The following CADM1 variants were observed in gnomAD, a reference collection of about 807,000 sequenced individuals.
CADM1 encodes the protein TSLC-1.
Under a neutral mutation model 53.1 loss-of-function variants are expected in CADM1, and 15 were observed. The observed-to-expected ratio is 0.28, with a 90% CI of 0.19 to 0.44. The LOEUF (loss-of-function observed/expected upper bound fraction) is 0.44. Among genes scored for constraint, CADM1 ranks in the 20% least tolerant of loss-of-function variants. The probability of loss-of-function intolerance (pLI) is 1.00; values close to 1 mark genes in which losing one functional copy is unlikely to be tolerated. For missense variants in CADM1, 434 were observed against 611.3 expected (o/e 0.71, Z 3.06); for synonymous variants, 281 against 243.0 (o/e 1.16, Z -1.45).
chr11:115,262,660 G>A (rs1943011807), intron 1 of CADM1, among the ~76,000 whole-genome samples: 1 of 152,104 alleles, frequency 6.6e-6, no homozygotes, highest in African/African-American at 2.4e-5. Flanking sequence ...TTTCTTTGTT[G>A]GTACTGTGTC....
Position 115,214,652 on chromosome 11 carries a change from T to A in CADM1, c.950A>T (p.Asn317Ile). The change falls in exon 7 of 12, where the codon AAC (asparagine) becomes ATC (isoleucine). Residue 317 changes from asparagine (N) to isoleucine (I), a missense_variant. Physicochemically the swap from Asn to Ile is moderately radical, Grantham distance 149 (BLOSUM62 -3). Around this residue, in one of 4 missense-constraint regions of CADM1, gnomAD observed 311 missense variants for 435.1 expected, o/e 0.71. Coordinates refer to ENST00000331581, the MANE Select transcript of CADM1 (RefSeq NM_001301043.2). ...ATCCGAGTGAGCTTTCCCCACTATGTTTGAAGCTTCACAGCGGTATGTACC... is the reference window on the plus strand; with the variant it reads ...ATCCGAGTGAGCTTTCCCCACTATGATTGAAGCTTCACAGCGGTATGTACC... Reference protein sequence around the residue: ...DNGTYRCEASNIVGKAHSDYM... With the variant: ...DNGTYRCEASIIVGKAHSDYM... The A allele has an allele frequency of 6.2e-7, 1 of 1,614,010 alleles. No homozygotes were observed. Among genetic ancestry groups the A allele is most frequent in the Non-Finnish European group, 8.5e-7 (1 of 1,179,922 alleles).
chr11:115,288,455 GA>G (rs1943790478), intron 1 of CADM1, among the ~76,000 whole-genome samples: 1 of 129,524 alleles, frequency 7.7e-6, no homozygotes, highest in African/African-American at 3.5e-5. Flanking sequence ...TCACATTTAT[GA>G]TTAAGAAAAA....
intron 1 of CADM1, among the ~76,000 whole-genome samples, chr11:115,296,231 A>G (rs1320142049): frequency 1.3e-5 from 2 of 152,186 alleles, no homozygotes; most frequent in East Asian, 1.9e-4. Context: ...GATTATAGGC[A>G]TGAACGACTG....
At chr11:115,298,804 T>C (rs1367417362) in intron 1 of CADM1, among the ~76,000 whole-genome samples, 1 of 152,188 alleles carries the variant, frequency 6.6e-6, no homozygotes, top group Non-Finnish European at 1.5e-5. Context: ...TTACTAAATA[T>C]AGAAGGATGA....
intron 1 of CADM1, among the ~76,000 whole-genome samples, chr11:115,302,394 T>C (rs1314127952): frequency 2.0e-5 from 3 of 152,094 alleles, no homozygotes; most frequent in African/African-American, 7.2e-5. Flanking sequence ...ATAATAAACC[T>C]ACAAATAGCA....
rs190864531 is a variant in CADM1 at position 115,463,544 on chromosome 11, A to G, written c.124+40727T>C. 2.6e-5 allele frequency among the ~76,000 whole-genome samples: 4 copies of G among 152,318 alleles called. No individual in the cohort carries two copies. The East Asian group carries it at 7.7e-4, about 29-fold the overall frequency. The stretch of plus-strand genomic sequence containing the variant: ...TATATATGTACATTCCTGTTTCAGA[A>G]TTGTATTATAGGAAACAATACAGAT... On this transcript the variant is annotated intron_variant, in intron 1 of 11. Transcript: ENST00000331581.
At chr11:115,484,719 G>A (rs1038586417) in intron 1 of CADM1, among the ~76,000 whole-genome samples, 36 of 151,930 alleles carry the variant, frequency 2.4e-4, no homozygotes, top group African/African-American at 6.5e-4. Context: ...AGGCCGAGGC[G>A]GGCGGATCAC....
intron 1 of CADM1, among the ~76,000 whole-genome samples, chr11:115,359,235 A>C (rs1945963832): frequency 6.6e-6 from 1 of 152,202 alleles, no homozygotes; most frequent in East Asian, 1.9e-4. Flanking sequence ...CAAAGGCATG[A>C]GCTTCTGATG....
chr11:115,421,769 T>C (rs1947763249), intron 1 of CADM1, among the ~76,000 whole-genome samples: 1 of 152,166 alleles, frequency 6.6e-6, no homozygotes, highest in Admixed American at 6.5e-5. Flanking sequence ...TCAAGCACAG[T>C]TCACTCAAAT....
chr11:115,352,744 A>T (rs1011259895), intron 1 of CADM1, among the ~76,000 whole-genome samples: 3 of 152,156 alleles, frequency 2.0e-5, no homozygotes, highest in African/African-American at 7.2e-5. Flanking sequence ...AATTGGCTTA[A>T]TCCTCACCAC....
intron 1 of CADM1, among the ~76,000 whole-genome samples, chr11:115,414,224 A>G (rs1007373414): frequency 1.3e-5 from 2 of 151,898 alleles, no homozygotes; most frequent in Admixed American, 6.6e-5. Flanking sequence ...TGCGGAGTAG[A>G]AAAAAAACAC....
At chr11:115,502,391 C>A (rs1243097634) in intron 1 of CADM1, among the ~76,000 whole-genome samples, 4 of 126,930 alleles carry the variant, frequency 3.2e-5, no homozygotes, top group Non-Finnish European at 6.3e-5. Flanking sequence ...CTCTATTATG[C>A]GCCAGTTACC....
At chr11:115,449,324 G>A (rs1387029918) in intron 1 of CADM1, among the ~76,000 whole-genome samples, 1 of 152,198 alleles carries the variant, frequency 6.6e-6, no homozygotes, top group Admixed American at 6.5e-5. Flanking sequence ...TGAAAATAAT[G>A]ATTGTGCTTG....
At chr11:115,421,023 C>T (rs149768032) in intron 1 of CADM1, among the ~76,000 whole-genome samples, 100 of 152,170 alleles carry the variant, frequency 6.6e-4, no homozygotes, top group African/African-American at 2.3e-3. Context: ...TTTTTAATGC[C>T]TTTTTCCTTG....
intron 1 of CADM1, among the ~76,000 whole-genome samples, chr11:115,292,753 T>C (rs1299406238): frequency 6.6e-6 from 1 of 152,196 alleles, no homozygotes; most frequent in Non-Finnish European, 1.5e-5. Context: ...GACAGGCAGA[T>C]CAGTCAATGG....
At chr11:115,239,713 GT>G (rs34524829) in intron 2 of CADM1, among the ~76,000 whole-genome samples, 53 of 143,088 alleles carry the variant, frequency 3.7e-4, no homozygotes, top group Non-Finnish European at 2.8e-4. Context: ...ACAGTTTTTG[GT>G]TTTTTTTTTT....
intron 1 of CADM1, among the ~76,000 whole-genome samples, chr11:115,331,888 T>TC (rs1199879994): frequency 6.6e-6 from 1 of 151,654 alleles, no homozygotes; most frequent in Non-Finnish European, 1.5e-5. Context: ...TTTTTGTTTT[T>TC]TTGAGTTCAA....
intron 8 of CADM1, among the ~76,000 whole-genome samples, chr11:115,200,731 G>A (rs1278774283): frequency 2.0e-5 from 3 of 152,188 alleles, no homozygotes; most frequent in Admixed American, 6.5e-5. Context: ...CAGACCTCAG[G>A]TGATCCACTG....
chr11:115,189,243 A>G (rs1241434974), intron 10 of CADM1, among the ~76,000 whole-genome samples: 1 of 152,176 alleles, frequency 6.6e-6, no homozygotes, highest in Non-Finnish European at 1.5e-5. Context: ...GACCCATCTG[A>G]CATGGCGCAG....
Sources: gnomAD v4.1 joint callset for allele counts (sites outside exome capture counted in the v4.1 genomes callset) on GRCh38, gnomAD v4.1.1 for gene constraint, gnomAD v4.1.1 regional missense constraint, MANE v1.5 for transcripts, NCBI Gene and HGNC (gene_info 2026-07-23, HGNC 2026-07-21) for gene names.